Variants in SREBF2 observed in about 807,000 individuals in gnomAD.
SREBF2 encodes the protein sterol regulatory element binding transcription factor 2.
Under a neutral mutation model 113.1 loss-of-function variants are expected in SREBF2, and 55 were observed. The ratio of observed to expected loss-of-function variants is 0.49; its 90% CI spans 0.39 to 0.61. The LOEUF (loss-of-function observed/expected upper bound fraction) is 0.61. SREBF2 is among the 20% of genes least tolerant of loss of function. SREBF2 has a pLI of 0.00. For synonymous variants in SREBF2, 593 were observed against 605.7 expected (o/e 0.98, Z 0.31); for missense variants, 1,349 against 1,487.4 (o/e 0.91, Z 1.53).
rs2077397947 is a variant in SREBF2, at chr22:41,894,836, G to A, written c.2394G>A (p.Gln798=). ...CTTTTCCAGCTGACCCCATTGCGCAGGTCCACCAGGCCTTCTGCAAGAACC... is the reference window on the plus strand; with the variant it reads ...CTTTTCCAGCTGACCCCATTGCGCAAGTCCACCAGGCCTTCTGCAAGAACC... ...AQRNPADPIA[Q]VHQAFCKNLL... is the part of the protein sequence containing the mutation. The change falls in exon 13 of 19, where the codon CAG becomes CAA. Residue 798 remains glutamine, a synonymous_variant. Transcript: ENST00000361204. The A allele has an allele frequency of 6.2e-7, 1 of 1,614,004 alleles. No individual in the cohort carries two copies. Among genetic ancestry groups the A allele is most frequent in the Non-Finnish European group, 8.5e-7 (1 of 1,180,026 alleles).
At position 41,897,118 on chromosome 22, in the gene SREBF2, G is replaced by A. The variant is rs147747695; in HGVS notation, c.2562G>A (p.Met854Ile). 4.5e-5 allele frequency: 72 copies of A among 1,612,460 alleles called. No homozygotes were observed. The African/African-American group carries it at 8.4e-4, about 19-fold the overall frequency. ...LHSFVDSVGVMSPPLSRSSVL... is the reference protein window; with the variant it reads ...LHSFVDSVGVISPPLSRSSVL... ...CTTTTGTGGACTCTGTGGGGGTTAT[G>A]AGCCCCCCACTCTCCAGGAGCTCCG... Residue 854 changes from methionine to isoleucine, a missense_variant, in exon 14 of 19, where the codon ATG (methionine) becomes ATA (isoleucine). Met to Ile is a conservative substitution (Grantham distance 10). Transcript: ENST00000361204.
chr22:41,901,530 A>G (rs1375211534), intron 16 of SREBF2, among the ~76,000 whole-genome samples: 1 of 152,158 alleles, frequency 6.6e-6, no homozygotes, highest in Non-Finnish European at 1.5e-5. Context: ...GTGTGGTGGC[A>G]TGTATCTGTA....
chr22:41,871,898 CAAAAA>C (rs34718352), intron 4 of SREBF2, among the ~76,000 whole-genome samples: 1 of 103,754 alleles, frequency 9.6e-6, no homozygotes. Flanking sequence ...GACTGACTCT[CAAAAA>C]AAAAAAAAAA....
chr22:41,877,373 C>T lies in SREBF2; in HGVS notation c.1531C>T (p.Gln511Ter). 6.2e-7 allele frequency: 1 copy of T among 1,614,154 alleles called. No homozygotes were observed. The highest frequency in any genetic ancestry group is 8.5e-7 in the Non-Finnish European group (1 of 1,180,018). ...LQWGGAHDSD[Q>*]HPHSGSGRSV... ...GTGGGGAGGGGCCCACGACTCTGAC[C>T]AGCACCCACACTCAGGCTCTGGCCG... Residue 511 changes from glutamine to a stop codon, truncating the protein, a stop_gained, in exon 8 of 19, where the codon CAG (glutamine) becomes TAG (stop). Transcript: ENST00000361204. LOFTEE classifies it high-confidence loss of function.
intron 1 of SREBF2, among the ~76,000 whole-genome samples, chr22:41,864,361 C>T (rs1350283154): frequency 7.4e-6 from 1 of 135,592 alleles, no homozygotes; most frequent in Non-Finnish European, 1.6e-5. Flanking sequence ...CGCTCTGTTG[C>T]CCAGGCTGGA....
intron 15 of SREBF2, 30 bp from the exon 16 acceptor site, chr22:41,900,300 C>T (rs781534093): frequency 1.1e-4 from 171 of 1,607,114 alleles, no homozygotes; most frequent in Non-Finnish European, 1.3e-4. Context: ...ACATAGTGAC[C>T]TGCCTCTCGA....
intron 10 of SREBF2, among the ~76,000 whole-genome samples, chr22:41,884,127 A>G (rs1330884377): frequency 6.6e-6 from 1 of 151,332 alleles, no homozygotes; most frequent in African/African-American, 2.5e-5. Context: ...TGTATTGTGA[A>G]GGCGGGTTTT....
intron 10 of SREBF2, among the ~76,000 whole-genome samples, chr22:41,883,255 C>T (rs2077266982): frequency 6.6e-6 from 1 of 152,114 alleles, no homozygotes; most frequent in African/African-American, 2.4e-5. Context: ...CCAGGAATAA[C>T]AGTAGGATGT....
chr22:41,878,256 G>C, intron 9 of SREBF2, 133 bp downstream of exon 9: 1 of 1,204,694 alleles, frequency 8.3e-7, no homozygotes, highest in East Asian at 2.5e-5. Context: ...AATAGTCACA[G>C]GGCAGTGGAG....
intron 15 of SREBF2, chr22:41,899,297 C>T: frequency 6.7e-6 from 7 of 1,051,236 alleles, no homozygotes; most frequent in Non-Finnish European, 4.6e-6. Flanking sequence ...TAGCCTTTAG[C>T]ACATGGCATA....
At chr22:41,843,991 C>T (rs997040981) in intron 1 of SREBF2, among the ~76,000 whole-genome samples, 9 of 148,574 alleles carry the variant, frequency 6.1e-5, no homozygotes, top group Non-Finnish European at 5.9e-5. Context: ...ACTTCAGCCT[C>T]GTCAACAGAG....
chr22:41,833,362 AGTGGTGG>A lies in SREBF2; in HGVS notation c.88+9_88+15del. ...CTGACCCTGGGAGACATCGACGGTG[AGTGGTGG>A]GTGGGTGGGAGTGCGGGGGCCGCGC... is the stretch of plus-strand genomic sequence containing the variant. On this transcript the variant is annotated splice_donor_5th_base_variant and intron_variant, in intron 1 of 18. Coordinates refer to ENST00000361204, the MANE Select transcript of SREBF2 (RefSeq NM_004599.4). The surrounding 1 kb of genome is among the most constrained non-coding windows in gnomAD (Gnocchi z 4.1). The A allele has an allele frequency of 2.8e-6, 1 of 360,930 alleles. No individual in the cohort carries two copies. Among genetic ancestry groups the A allele is most frequent in the Non-Finnish European group, 5.4e-6 (1 of 184,740 alleles). The allele number at this position is 360,930 out of a possible 1,614,324, so 22.4% of individuals were successfully genotyped here. A position where few individuals can be genotyped will look rare whatever the true frequency, so the allele number is the denominator to read the frequency against.
At chr22:41,893,646 T>C (rs1446163498) in intron 12 of SREBF2, among the ~76,000 whole-genome samples, 1 of 152,166 alleles carries the variant, frequency 6.6e-6, no homozygotes, top group Non-Finnish European at 1.5e-5. Context: ...AGGCTTGCTT[T>C]CCCTGGCCTC....
At chr22:41,868,109 A>G (rs927397582) in intron 2 of SREBF2, among the ~76,000 whole-genome samples, 4 of 152,212 alleles carry the variant, frequency 2.6e-5, no homozygotes, top group Non-Finnish European at 5.9e-5. Context: ...GTGCCTTTTC[A>G]TCATATTTCC....
At chr22:41,846,201 C>G (rs2076875285) in intron 1 of SREBF2, among the ~76,000 whole-genome samples, 1 of 152,232 alleles carries the variant, frequency 6.6e-6, no homozygotes, top group Non-Finnish European at 1.5e-5. Context: ...GCAGAAACCG[C>G]TTCTATCTAG....
chr22:41,904,200 A>C (rs73430995), intron 17 of SREBF2, among the ~76,000 whole-genome samples: 2,481 of 151,950 alleles, frequency 0.016, 71 homozygotes, highest in African/African-American at 0.058. Context: ...CTTAAATACC[A>C]TTTCCATTCT....
At chr22:41,841,256 C>A (rs2076828265) in intron 1 of SREBF2, among the ~76,000 whole-genome samples, 1 of 152,226 alleles carries the variant, frequency 6.6e-6, no homozygotes, top group African/African-American at 2.4e-5. Context: ...AAGCACAGAT[C>A]TGCTTTTCAT....
intron 11 of SREBF2, among the ~76,000 whole-genome samples, chr22:41,886,588 G>A (rs2077301185): frequency 1.3e-5 from 2 of 152,168 alleles, no homozygotes. Flanking sequence ...TCAAGAAGTA[G>A]AACATTCCCA....
chr22:41,836,719 TG>T (rs1170695032), intron 1 of SREBF2, among the ~76,000 whole-genome samples: 2 of 152,176 alleles, frequency 1.3e-5, no homozygotes, highest in Non-Finnish European at 2.9e-5. Flanking sequence ...GGACATGGTT[TG>T]GAGTTGGATT....
Sources: gnomAD v4.1 joint callset for allele counts (sites outside exome capture counted in the v4.1 genomes callset) on GRCh38, gnomAD v4.1.1 for gene constraint, Gnocchi (gnomAD v3.1) non-coding constraint, MANE v1.5 for transcripts, NCBI Gene and HGNC (gene_info 2026-07-23, HGNC 2026-07-21) for gene names.